The following KCNT2 variants were observed in gnomAD, a reference collection of about 807,000 sequenced individuals.
The protein encoded by KCNT2 is potassium sodium-activated channel subfamily T member 2, also known as potassium channel subfamily T member 2.
KCNT2 carries 67 observed loss-of-function variants against 153.8 expected under a neutral mutation model. The observed-to-expected ratio is 0.44, with a 90% CI of 0.36 to 0.53. The LOEUF is 0.53. Ranked by LOEUF, KCNT2 falls within the 20% of genes least tolerant of loss-of-function variation. The probability of loss-of-function intolerance (pLI) is 0.00; values close to 1 mark genes in which losing one functional copy is unlikely to be tolerated. For missense variants in KCNT2, 975 were observed against 1,354.8 expected (o/e 0.72, Z 4.40); for synonymous variants, 500 against 458.8 (o/e 1.09, Z -1.15).
intron 1 of KCNT2, among the ~76,000 whole-genome samples, chr1:196,523,673 C>T (rs1443893730): frequency 6.6e-6 from 1 of 152,162 alleles, no homozygotes; most frequent in Non-Finnish European, 1.5e-5. Flanking sequence ...GGTCTCAAAG[C>T]ATCTGATAGA....
chr1:196,584,138 G>A (rs974519267), intron 1 of KCNT2, among the ~76,000 whole-genome samples: 4 of 97,330 alleles, frequency 4.1e-5, no homozygotes, highest in East Asian at 3.1e-4. Context: ...CAAAGAATGC[G>A]AAAACAATGA....
intron 25 of KCNT2, among the ~76,000 whole-genome samples, chr1:196,267,532 A>G (rs958024512): frequency 6.6e-6 from 1 of 152,166 alleles, no homozygotes; most frequent in Non-Finnish European, 1.5e-5. Flanking sequence ...CTTAAAACAG[A>G]AGGCTCTAGA....
Position 196,282,467 on chromosome 1 carries a change from C to T in KCNT2, c.2698-111G>A, listed in dbSNP as rs1187633148. ...ATCTGACTTCTAAAAGATTATTTCT[C>T]ATATCACATTTTTAACCCTCCATAC... On this transcript the variant is annotated intron_variant, in intron 23 of 27. Coordinates refer to ENST00000294725, the MANE Select transcript of KCNT2 (RefSeq NM_198503.5). The T allele has an allele frequency of 1.4e-5, 8 of 561,170 alleles. No individual in the cohort carries two copies. In the African/African-American group the frequency reaches 1.5e-4, roughly 11 times the overall value. 34.8% of individuals were successfully genotyped at this position (561,170 alleles called of 1,614,324 possible).
intron 1 of KCNT2, among the ~76,000 whole-genome samples, chr1:196,569,571 A>G (rs1248281332): frequency 1.3e-5 from 2 of 152,208 alleles, no homozygotes; most frequent in South Asian, 2.1e-4. Flanking sequence ...TACCAGTTAA[A>G]TTTTATAGAT....
intron 26 of KCNT2, among the ~76,000 whole-genome samples, chr1:196,241,320 C>T (rs1361447982): frequency 6.6e-6 from 1 of 151,936 alleles, no homozygotes; most frequent in African/African-American, 2.4e-5. Flanking sequence ...TTTCATTTTC[C>T]TTCACCTGAA....
At chr1:196,564,559 G>GA (rs899090584) in intron 1 of KCNT2, among the ~76,000 whole-genome samples, 2 of 151,368 alleles carry the variant, frequency 1.3e-5, no homozygotes, top group Non-Finnish European at 3.0e-5. Flanking sequence ...TCAGCAAAAA[G>GA]AAAAAAAGTC....
chr1:196,394,004 A>G (rs1670706163), intron 13 of KCNT2, among the ~76,000 whole-genome samples: 1 of 151,756 alleles, frequency 6.6e-6, no homozygotes, highest in African/African-American at 2.4e-5. Flanking sequence ...GGTGAAAAAA[A>G]GTCTCTCACT....
At chr1:196,232,517 T>G (rs1401848181) in intron 27 of KCNT2, among the ~76,000 whole-genome samples, 1 of 151,668 alleles carries the variant, frequency 6.6e-6, no homozygotes, top group African/African-American at 2.4e-5. Flanking sequence ...TAATTTATCA[T>G]TGTTCTGGTT....
intron 1 of KCNT2, among the ~76,000 whole-genome samples, chr1:196,514,824 T>TTTTAG (rs1206491467): frequency 1.3e-5 from 2 of 152,210 alleles, no homozygotes; most frequent in Non-Finnish European, 2.9e-5. Flanking sequence ...TTAATTCTGC[T>TTTTAG]AAATGTGTCT....
At chr1:196,423,506 G>C (rs1317544745) in intron 11 of KCNT2, among the ~76,000 whole-genome samples, 1 of 151,708 alleles carries the variant, frequency 6.6e-6, no homozygotes, top group Non-Finnish European at 1.5e-5. Context: ...CAGCTCCTCT[G>C]TATTCATAAG....
At position 196,482,360 on chromosome 1, in the gene KCNT2, T is replaced by C. The variant is rs565524883; in HGVS notation, c.295A>G (p.Asn99Asp). ...AAGCCCCACAAAGGTAGACTTCTGT[T>C]CACCCAAAAGATATGAGACCTATAA... Reference protein sequence around the residue: ...GNEWSHIFWVNRSLPLWGLQV... With the variant: ...GNEWSHIFWVDRSLPLWGLQV... Residue 99 changes from asparagine (N) to aspartate (D), a missense_variant, in exon 4 of 28, where the codon AAC (asparagine) becomes GAC (aspartate). Asn to Asp is a conservative substitution (Grantham distance 23). Transcript: ENST00000294725. The C allele has an allele frequency of 8.9e-6, 14 of 1,573,858 alleles. No individual in the cohort carries two copies. The South Asian group carries it at 1.7e-4, about 19-fold the overall frequency.
chr1:196,505,434 T>C (rs1353809128), intron 1 of KCNT2, among the ~76,000 whole-genome samples: 1 of 151,762 alleles, frequency 6.6e-6, no homozygotes. Flanking sequence ...TTCTGTTCCA[T>C]TGATCTATAT....
At chr1:196,387,898 G>T (rs1670133037) in intron 13 of KCNT2, among the ~76,000 whole-genome samples, 1 of 150,594 alleles carries the variant, frequency 6.6e-6, no homozygotes, top group African/African-American at 2.4e-5. Flanking sequence ...GTGAAGAGTG[G>T]AAGGTTTAAT....
chr1:196,491,386 A>G (rs1280016551), intron 2 of KCNT2, among the ~76,000 whole-genome samples: 2 of 152,010 alleles, frequency 1.3e-5, no homozygotes, highest in Admixed American at 1.3e-4. Context: ...TATTTGGACA[A>G]CTTCCCACAA....
At chr1:196,348,433 G>A (rs778803264) in intron 14 of KCNT2, among the ~76,000 whole-genome samples, 8 of 152,068 alleles carry the variant, frequency 5.3e-5, no homozygotes, top group Non-Finnish European at 1.0e-4. Context: ...GAAATAAGAG[G>A]CTTGTGTAAT....
intron 26 of KCNT2, chr1:196,257,643 T>A (rs1328899449): frequency 1.0e-6 from 1 of 958,230 alleles, no homozygotes. Context: ...ATATGGCAAT[T>A]ATGGATCATA....
intron 25 of KCNT2, among the ~76,000 whole-genome samples, chr1:196,265,031 C>T (rs1238677995): frequency 6.6e-6 from 1 of 152,188 alleles, no homozygotes; most frequent in Non-Finnish European, 1.5e-5. Context: ...CTGCCTCACT[C>T]TCCATGGAAA....
chr1:196,579,040 G>A (rs1284297654), intron 1 of KCNT2, among the ~76,000 whole-genome samples: 2 of 151,938 alleles, frequency 1.3e-5, no homozygotes, highest in Admixed American at 6.6e-5. Context: ...TTGTTATGAC[G>A]GATGAGCCTA....
rs1571892058 is a variant in KCNT2 at position 196,281,042 on chromosome 1, G to C, written c.2782-54C>G. On this transcript the variant is annotated intron_variant, in intron 24 of 27. Coordinates refer to ENST00000294725, the MANE Select transcript of KCNT2 (RefSeq NM_198503.5). ...TAAATGTGTCAGAAATAAAAACCTAGTGGTAACTTTACATTTCTTTATTTG... is the reference window on the plus strand; with the variant it reads ...TAAATGTGTCAGAAATAAAAACCTACTGGTAACTTTACATTTCTTTATTTG... 1.3e-5 allele frequency: 18 copies of C among 1,387,420 alleles called. No homozygotes were observed. The East Asian group carries it at 3.7e-4, about 29-fold the overall frequency. The allele number at this position is 1,387,420 out of a possible 1,614,324, so 85.9% of individuals were successfully genotyped here.
Sources: gnomAD v4.1 joint callset for allele counts (sites outside exome capture counted in the v4.1 genomes callset) on GRCh38, gnomAD v4.1.1 for gene constraint, MANE v1.5 for transcripts, NCBI Gene and HGNC (gene_info 2026-07-23, HGNC 2026-07-21) for gene names.